EPHA6: variants seen among roughly 807,000 people sequenced by gnomAD.
EPHA6 encodes ephrin type-A receptor 6.
Under a neutral mutation model 112.0 loss-of-function variants are expected in EPHA6, and 50 were observed. The observed-to-expected ratio is 0.45, with a 90% CI of 0.36 to 0.56. The LOEUF is 0.56. Among genes scored for constraint, EPHA6 ranks in the 20% least tolerant of loss-of-function variants. The pLI, the probability that EPHA6 is intolerant of heterozygous loss-of-function variation, is 0.00. For synonymous variants in EPHA6, 529 were observed against 490.7 expected (o/e 1.08, Z -1.03); for missense variants, 1,280 against 1,417.4 (o/e 0.90, Z 1.56).
At chr3:97,030,645 A>G in intron 3 of EPHA6, among the ~76,000 whole-genome samples, 1 of 151,774 alleles carries the variant, frequency 6.6e-6, no homozygotes, top group East Asian at 1.9e-4. Flanking sequence ...GTGCATAATT[A>G]TTACCTCATA....
At chr3:97,248,316 T>G (rs151266583) in intron 5 of EPHA6, among the ~76,000 whole-genome samples, 483 of 152,178 alleles carry the variant, frequency 3.2e-3, no homozygotes, top group African/African-American at 0.011. Context: ...TCTTGAAAGG[T>G]GTTTCATTTA....
At chr3:96,940,939 T>G (rs2040904662) in intron 2 of EPHA6, among the ~76,000 whole-genome samples, 1 of 152,244 alleles carries the variant, frequency 6.6e-6, no homozygotes, top group Non-Finnish European at 1.5e-5. Context: ...CACTCTCTTC[T>G]GGCTTGTAGA....
intron 3 of EPHA6, among the ~76,000 whole-genome samples, chr3:97,066,491 A>G (rs6767738): frequency 0.42 from 64,354 of 152,008 alleles, 16,497 homozygotes; most frequent in African/African-American, 0.72. Flanking sequence ...TTTTAGGAAA[A>G]CTAGAGAAGA....
chr3:97,137,745 CT>C (rs1212448958), intron 3 of EPHA6, among the ~76,000 whole-genome samples: 2 of 152,134 alleles, frequency 1.3e-5, no homozygotes, highest in East Asian at 1.9e-4. Context: ...ACTTGCAGTC[CT>C]TTATCTGTGT....
chr3:97,464,003 A>G (rs946433665), intron 7 of EPHA6, among the ~76,000 whole-genome samples: 13 of 152,094 alleles, frequency 8.5e-5, no homozygotes, highest in Middle Eastern at 3.4e-3. Context: ...AAATTCTCCA[A>G]AGGAAAGACA....
chr3:97,572,959 G>T (rs138903527), intron 11 of EPHA6, among the ~76,000 whole-genome samples: 1 of 152,278 alleles, frequency 6.6e-6, no homozygotes, highest in African/African-American at 2.4e-5. Flanking sequence ...TGACTCCAAA[G>T]CTCATGCTCT....
chr3:97,358,600 A>G lies in EPHA6; in HGVS notation c.1607-46550A>G, dbSNP rs192840183. Among the ~76,000 whole-genome samples the G allele has an allele frequency of 2.1e-3, 325 of 152,260 alleles. 1 individual carries two copies. The highest frequency in any genetic ancestry group is 6.9e-3 in the African/African-American group (288 of 41,576). ...AAGTGGAGTTAGAAACCTTTGTACA[A>G]TAATACTTACTATCTTTTATACTTG... On this transcript the variant is annotated intron_variant, in intron 5 of 17. Coordinates refer to ENST00000389672, the MANE Select transcript of EPHA6 (RefSeq NM_001080448.3).
intron 7 of EPHA6, among the ~76,000 whole-genome samples, chr3:97,469,952 A>G (rs936793974): frequency 6.6e-5 from 10 of 151,674 alleles, no homozygotes; most frequent in Admixed American, 6.6e-4. Context: ...CTGGACTTGG[A>G]GTTGTAGGAA....
At chr3:97,505,311 G>T (rs2092220846) in intron 10 of EPHA6, among the ~76,000 whole-genome samples, 1 of 152,046 alleles carries the variant, frequency 6.6e-6, no homozygotes, top group South Asian at 2.1e-4. Context: ...TCTACATTAG[G>T]TATTTCTTCT....
rs997787687 is a variant in EPHA6 at position 97,757,159 on chromosome 3, G to A, written c.*8458G>A. 1.3e-5 allele frequency among the ~76,000 whole-genome samples: 2 copies of A among 151,698 alleles called. No individual in the cohort carries two copies. Among genetic ancestry groups the A allele is most frequent in the Non-Finnish European group, 3.0e-5 (2 of 67,720 alleles). ...CTAAAAGGTAATACAGTACAAAGAG[G>A]AGTTTGTTTTAAAATTGTTACTTAC... On this transcript the variant is annotated 3_prime_UTR_variant, in exon 18 of 18. Coordinates refer to ENST00000389672, the MANE Select transcript of EPHA6 (RefSeq NM_001080448.3).
chr3:97,378,415 G>A (rs1364155693), intron 5 of EPHA6, among the ~76,000 whole-genome samples: 1 of 152,204 alleles, frequency 6.6e-6, no homozygotes, highest in Non-Finnish European at 1.5e-5. Flanking sequence ...GAAATGTGGG[G>A]TCGGAGCCCC....
intron 2 of EPHA6, among the ~76,000 whole-genome samples, chr3:96,903,108 T>C (rs560786833): frequency 6.6e-6 from 1 of 152,310 alleles, no homozygotes; most frequent in Non-Finnish European, 1.5e-5. Flanking sequence ...GTCTACCTGA[T>C]AAAGTAGTAT....
chr3:97,306,706 T>C (rs2108739909), intron 5 of EPHA6, among the ~76,000 whole-genome samples: 1 of 151,992 alleles, frequency 6.6e-6, no homozygotes, highest in East Asian at 1.9e-4. Context: ...AATATATTAC[T>C]ATTAAAAATT....
chr3:96,939,808 G>C (rs987064573), intron 2 of EPHA6, among the ~76,000 whole-genome samples: 46 of 152,096 alleles, frequency 3.0e-4, no homozygotes, highest in African/African-American at 1.1e-3. Context: ...TTGTGTCTTT[G>C]TTCCCGTTGG....
At chr3:97,663,038 T>G (rs1315110833) in intron 14 of EPHA6, among the ~76,000 whole-genome samples, 1 of 152,132 alleles carries the variant, frequency 6.6e-6, no homozygotes, top group East Asian at 1.9e-4. Context: ...GGATATGAGG[T>G]ACAAAGGCTT....
In EPHA6 at chr3:97,053,644, G is replaced by A. The variant is rs184461932; in HGVS notation, c.1114+65651G>A. 2.6e-5 allele frequency among the ~76,000 whole-genome samples: 4 copies of A among 152,148 alleles called. No homozygotes were observed. The East Asian group carries it at 7.7e-4, about 29-fold the overall frequency. ...AGTCAGCCTTAATATGAGCCACTGAGTCCTATACAACTTGCATTTGTAAGA... is the reference window on the plus strand; with the variant it reads ...AGTCAGCCTTAATATGAGCCACTGAATCCTATACAACTTGCATTTGTAAGA... On this transcript the variant is annotated intron_variant, in intron 3 of 17. Transcript: ENST00000389672.
intron 13 of EPHA6, among the ~76,000 whole-genome samples, chr3:97,625,229 T>A (rs1002082282): frequency 1.6e-4 from 25 of 151,632 alleles, no homozygotes; most frequent in African/African-American, 5.3e-4. Flanking sequence ...CTACAAATTG[T>A]AATATGAGGT....
intron 13 of EPHA6, among the ~76,000 whole-genome samples, chr3:97,624,319 T>G (rs1160408533): frequency 6.6e-6 from 1 of 151,596 alleles, no homozygotes; most frequent in Non-Finnish European, 1.5e-5. Context: ...TCCCCCTTCA[T>G]TCAGTTAATG....
chr3:97,498,639 T>TG (rs1390016600), intron 10 of EPHA6, among the ~76,000 whole-genome samples: 7 of 152,184 alleles, frequency 4.6e-5, no homozygotes, highest in Non-Finnish European at 7.3e-5. Context: ...TGGAGATCAG[T>TG]GGTTCCTTTT....
Sources: allele counts gnomAD v4.1 joint callset (sites outside exome capture counted in the v4.1 genomes callset), GRCh38; gene constraint gnomAD v4.1.1; transcripts MANE v1.5; gene names NCBI Gene and HGNC (gene_info 2026-07-23, HGNC 2026-07-21).